Variants in PDE4DIP observed in about 807,000 individuals in gnomAD.
PDE4DIP encodes myomegalin.
Under a neutral mutation model 221.4 loss-of-function variants are expected in PDE4DIP, and 59 were observed. The observed-to-expected ratio is 0.27, with a 90% confidence interval of 0.22 to 0.33. The LOEUF (loss-of-function observed/expected upper bound fraction) is 0.33, where lower values mean the gene tolerates loss of function less well. PDE4DIP is among the 10% of genes least tolerant of loss of function. The pLI is 1.00. For missense variants in PDE4DIP, 1,036 were observed against 2,154.2 expected (o/e 0.48, Z 10.28); for synonymous variants, 404 against 815.9 (o/e 0.50, Z 8.60).
At chr1:149,024,339 C>T (rs587770483) in intron 37 of PDE4DIP, 106 bp from the exon 41 acceptor site, 1 of 796,516 alleles carries the variant, frequency 1.3e-6, no homozygotes, top group African/African-American at 1.7e-5. Context: ...TTGCATGAGA[C>T]TCAGATGATA....
At chr1:148,932,615 T>C (rs1475047963) in intron 4 of PDE4DIP, 1 of 434,426 alleles carries the variant, frequency 2.3e-6, no homozygotes, top group Non-Finnish European at 4.3e-6. Flanking sequence ...CTAATTCTTG[T>C]CACCAAGAAA....
chr1:148,917,329 G>C (rs1340925598), intron 1 of PDE4DIP, among the ~76,000 whole-genome samples: 2 of 145,226 alleles, frequency 1.4e-5, no homozygotes, highest in Non-Finnish European at 3.0e-5. Context: ...TGTGCTCAGA[G>C]TCTAAATAAA....
chr1:149,020,881 G>A (rs1262421046), intron 36 of PDE4DIP, 148 bp from the exon 40 acceptor site: 3 of 575,422 alleles, frequency 5.2e-6, no homozygotes, highest in Non-Finnish European at 9.4e-6. Flanking sequence ...TAGTCTTCAT[G>A]ACCCCCTGAG....
intron 14 of PDE4DIP, among the ~76,000 whole-genome samples, chr1:148,970,587 C>G (rs1333715867): frequency 9.9e-5 from 15 of 151,494 alleles, no homozygotes; most frequent in Admixed American, 9.9e-4. Context: ...AGCTCAACTC[C>G]AGAGAAAGAA....
chr1:149,023,371 A>G (rs2073749745), intron 37 of PDE4DIP, among the ~76,000 whole-genome samples: 1 of 151,518 alleles, frequency 6.6e-6, no homozygotes, highest in African/African-American at 2.4e-5. Context: ...TATATGATAT[A>G]TGCACCCTGT....
chr1:148,978,450 T>G, intron 19 of PDE4DIP, 35 bp downstream of exon 22: 1 of 1,419,952 alleles, frequency 7.0e-7, no homozygotes, highest in Non-Finnish European at 9.6e-7. Context: ...ATTTATTTAT[T>G]TACATTTTTT....
At chr1:148,925,630 G>A (rs1371379837) in intron 1 of PDE4DIP, among the ~76,000 whole-genome samples, 1 of 151,888 alleles carries the variant, frequency 6.6e-6, no homozygotes, top group Non-Finnish European at 1.5e-5. Context: ...TCCTGGTAAG[G>A]CTGGGGTCTC....
intron 21 of PDE4DIP, chr1:148,984,427 A>T (rs1394468506): frequency 6.6e-6 from 1 of 152,110 alleles, no homozygotes; most frequent in Non-Finnish European, 1.5e-5. Flanking sequence ...CCTGTAGAGG[A>T]TATGAGTTCC....
intron 23 of PDE4DIP, 95 bp downstream of exon 26, chr1:148,998,470 C>G (rs1575095878): frequency 1.2e-5 from 7 of 589,238 alleles, no homozygotes; most frequent in South Asian, 6.8e-5. Context: ...AATATTTCTA[C>G]AAATTCTTTA....
At chr1:148,946,540 CA>C (rs67877634) in intron 5 of PDE4DIP, among the ~76,000 whole-genome samples, 7,031 of 109,724 alleles carry the variant, frequency 0.064, 237 homozygotes, top group Non-Finnish European at 0.094. Context: ...GACTTCGTCT[CA>C]AAAAAAAAAA....
chr1:148,885,445 G>A (rs2985354), upstream of PDE4DIP, among the ~76,000 whole-genome samples: 3 of 148,574 alleles, frequency 2.0e-5, no homozygotes, highest in South Asian at 2.1e-4. Context: ...GAAACAGTGT[G>A]GCTACAGCAG....
intron 2 of PDE4DIP, among the ~76,000 whole-genome samples, chr1:148,865,531 G>A (rs2596286): frequency 0.043 from 3,810 of 87,762 alleles, 3 homozygotes; most frequent in East Asian, 0.089. Flanking sequence ...CAATTATATT[G>A]GGTAAGCTGC....
chr1:148,949,715 C>T (rs148687267), intron 5 of PDE4DIP, among the ~76,000 whole-genome samples: 2 of 152,154 alleles, frequency 1.3e-5, no homozygotes, highest in African/African-American at 4.8e-5. Flanking sequence ...TATCTACATA[C>T]CAGTGATCTT....
intron 5 of PDE4DIP, among the ~76,000 whole-genome samples, chr1:148,955,961 G>C (rs1242085589): frequency 2.0e-5 from 3 of 151,946 alleles, no homozygotes; most frequent in African/African-American, 7.2e-5. Context: ...GGATGTCAGG[G>C]AAAATAGATG....
chr1:148,934,801 A>C (rs1553473735), intron 4 of PDE4DIP, among the ~76,000 whole-genome samples: 1 of 151,932 alleles, frequency 6.6e-6, no homozygotes, highest in South Asian at 2.1e-4. Context: ...ACAGGGTTTC[A>C]CTATGTTGGT....
chr1:149,010,347 A>G, intron 30 of PDE4DIP, 96 bp from the exon 34 acceptor site: 1 of 1,000,454 alleles, frequency 1.0e-6, no homozygotes, highest in Non-Finnish European at 1.5e-6. Flanking sequence ...CCCTGAAAGC[A>G]AGACTCTAGC....
At chr1:149,020,848 C>T (rs2072551920) in intron 36 of PDE4DIP, 181 bp from the exon 40 acceptor site, 2 of 574,382 alleles carry the variant, frequency 3.5e-6, no homozygotes, top group Non-Finnish European at 6.2e-6. Context: ...GCCTCCATTT[C>T]CATATCTGCG....
intron 5 of PDE4DIP, among the ~76,000 whole-genome samples, chr1:148,955,367 G>T (rs1293527718): frequency 1.3e-5 from 2 of 151,676 alleles, no homozygotes; most frequent in Admixed American, 6.6e-5. Context: ...ATTGTAGAAC[G>T]TTACATAAAG....
intron 43 of PDE4DIP, 161 bp downstream of exon 46, chr1:149,030,439 G>C (rs1553635995): frequency 1.0e-6 from 1 of 985,282 alleles, no homozygotes; most frequent in Non-Finnish European, 1.2e-6. Context: ...CATCCTGCTA[G>C]TTTCTGTCCC....
Sources: gnomAD v4.1 joint callset for allele counts (sites outside exome capture counted in the v4.1 genomes callset) on GRCh38, gnomAD v4.1.1 for gene constraint, MANE v1.5 for transcripts, NCBI Gene and HGNC (gene_info 2026-07-23, HGNC 2026-07-21) for gene names.